ZNF618: variants seen among roughly 807,000 people sequenced by gnomAD.
ZNF618 encodes zinc finger protein 618.
Under a neutral mutation model 103.0 loss-of-function variants are expected in ZNF618, and 34 were observed. That is an observed-to-expected ratio of 0.33 (90% CI 0.25 to 0.44). The LOEUF (loss-of-function observed/expected upper bound fraction) is 0.44. Among genes scored for constraint, ZNF618 ranks in the 20% least tolerant of loss-of-function variants. The pLI, the probability that ZNF618 is intolerant of heterozygous loss-of-function variation, is 1.00. For synonymous variants in ZNF618, 551 were observed against 542.2 expected (o/e 1.02, Z -0.23); for missense variants, 1,059 against 1,295.4 (o/e 0.82, Z 2.80).
intron 1 of ZNF618, among the ~76,000 whole-genome samples, chr9:113,876,846 C>T (rs1405832698): frequency 6.6e-6 from 1 of 151,368 alleles, no homozygotes; most frequent in African/African-American, 2.4e-5. Flanking sequence ...GGTCTTTCCC[C>T]CCAGGTCCCC....
intron 3 of ZNF618, among the ~76,000 whole-genome samples, chr9:113,993,092 G>A (rs758034587): frequency 1.4e-4 from 21 of 152,178 alleles, no homozygotes; most frequent in Admixed American, 2.6e-4. Context: ...GTTAACAGAC[G>A]CCTGCACCCA....
At chr9:113,919,540 G>A (rs1215529752) in intron 1 of ZNF618, among the ~76,000 whole-genome samples, 1 of 152,244 alleles carries the variant, frequency 6.6e-6, no homozygotes. Flanking sequence ...AGGCTGTTAT[G>A]CCAGGAGCGA....
At chr9:113,881,031 A>G (rs1828469889) in intron 1 of ZNF618, among the ~76,000 whole-genome samples, 1 of 152,220 alleles carries the variant, frequency 6.6e-6, no homozygotes, top group African/African-American at 2.4e-5. Context: ...CACATACCCC[A>G]GCTTGTTGGC....
At chr9:113,904,509 T>C (rs1001062902) in intron 1 of ZNF618, among the ~76,000 whole-genome samples, 2 of 152,158 alleles carry the variant, frequency 1.3e-5, no homozygotes, top group Admixed American at 1.3e-4. Context: ...AGTTTTGGGG[T>C]TTAAGTATTT....
intron 1 of ZNF618, among the ~76,000 whole-genome samples, chr9:113,927,215 G>A (rs1007113033): frequency 2.6e-5 from 4 of 152,170 alleles, no homozygotes; most frequent in Non-Finnish European, 2.9e-5. Context: ...CTTGCATGAT[G>A]TATTAGGTAA....
chr9:113,999,230 G>A (rs1840930692), intron 4 of ZNF618, among the ~76,000 whole-genome samples: 1 of 151,976 alleles, frequency 6.6e-6, no homozygotes, highest in African/African-American at 2.4e-5. Context: ...GCTGTGCGAG[G>A]GGCAGGCGGG....
chr9:114,013,922 G>A (rs1842454848), intron 9 of ZNF618, among the ~76,000 whole-genome samples: 1 of 152,206 alleles, frequency 6.6e-6, no homozygotes, highest in Admixed American at 6.5e-5. Flanking sequence ...TGTTGTAACA[G>A]TCTTTCCAGA....
At chr9:113,906,351 G>C (rs932779648) in intron 1 of ZNF618, among the ~76,000 whole-genome samples, 1 of 152,140 alleles carries the variant, frequency 6.6e-6, no homozygotes, top group Non-Finnish European at 1.5e-5. Context: ...TGAAGAAAGG[G>C]CTTCTCCTGG....
At chr9:114,003,556 A>C (rs995628691) in intron 6 of ZNF618, among the ~76,000 whole-genome samples, 2 of 152,266 alleles carry the variant, frequency 1.3e-5, no homozygotes, top group African/African-American at 4.8e-5. Context: ...TACACACAGC[A>C]ACATGGATGA....
In ZNF618 at chr9:113,883,982, GCCCCCCCCCC is replaced by G. The variant is rs558766678; in HGVS notation, c.33+7580_33+7589del. 4.4e-4 allele frequency among the ~76,000 whole-genome samples: 13 copies of G among 29,714 alleles called. 2 individuals carry two copies. Among genetic ancestry groups the G allele is most frequent in the South Asian group, 6.0e-3 (2 of 336 alleles). 19.5% of individuals were successfully genotyped at this position (29,714 alleles called of 152,430 possible). ...TTTACCTCACTTTTCTCTGGGCTTGGCCCCCCCCCCCCCCCCCCCCGCCCTGTACAGTGAA... is the reference window on the plus strand; with the variant it reads ...TTTACCTCACTTTTCTCTGGGCTTGGCCCCCCCCCCGCCCTGTACAGTGAA... On this transcript the variant is annotated intron_variant, in intron 1 of 14. Transcript: ENST00000374126.
intron 13 of ZNF618, among the ~76,000 whole-genome samples, chr9:114,039,757 T>C (rs1844968209): frequency 6.6e-6 from 1 of 152,094 alleles, no homozygotes; most frequent in African/African-American, 2.4e-5. Context: ...GGGTTGAGGG[T>C]TCCAGAGATG....
intron 13 of ZNF618, among the ~76,000 whole-genome samples, chr9:114,039,992 T>A (rs1326111132): frequency 6.6e-6 from 1 of 151,094 alleles, no homozygotes; most frequent in Non-Finnish European, 1.5e-5. Flanking sequence ...TATTTTCATC[T>A]CAAGCTATAA....
intron 1 of ZNF618, among the ~76,000 whole-genome samples, chr9:113,892,846 A>C (rs941214631): frequency 3.9e-5 from 6 of 152,184 alleles, no homozygotes; most frequent in Non-Finnish European, 2.9e-5. Context: ...TAATTGAATG[A>C]TCCATCTTTT....
rs374705188 is a variant in ZNF618, at chr9:113,994,627, T to C, written c.338-3632T>C. Among the ~76,000 whole-genome samples, 3 of 152,154 alleles carry C rather than the reference T, an allele frequency of 2.0e-5. 1 individual carries two copies. The highest frequency in any genetic ancestry group is 3.8e-4 in the East Asian group (2 of 5,200). ...GGTAGAATAAAAGTCTGCCCCTCTT[T>C]CCAGTAGAATTGTTGGGGGCAGAGT... On this transcript the variant is annotated intron_variant, in intron 3 of 14. Coordinates refer to ENST00000374126, the MANE Select transcript of ZNF618 (RefSeq NM_001318042.2).
chr9:113,942,103 G>C (rs1834605260), intron 1 of ZNF618, among the ~76,000 whole-genome samples: 1 of 152,174 alleles, frequency 6.6e-6, no homozygotes, highest in Non-Finnish European at 1.5e-5. Flanking sequence ...TGTTTTTTCT[G>C]TAATTCCTCG....
chr9:113,967,213 C>T (rs920072276), intron 1 of ZNF618, among the ~76,000 whole-genome samples: 9 of 152,174 alleles, frequency 5.9e-5, no homozygotes, highest in African/African-American at 9.6e-5. Flanking sequence ...AATTTCCACC[C>T]GTACCACTTC....
chr9:114,043,340 T>C (rs944927931), intron 13 of ZNF618, among the ~76,000 whole-genome samples: 1 of 152,216 alleles, frequency 6.6e-6, no homozygotes, highest in South Asian at 2.1e-4. Flanking sequence ...TTTTTACATT[T>C]CTACCAACAG....
chr9:114,029,775 G>T (rs1362596974), intron 11 of ZNF618, among the ~76,000 whole-genome samples: 1 of 152,226 alleles, frequency 6.6e-6, no homozygotes. Context: ...GGCCCAGCAG[G>T]AAATCAGTGG....
At chr9:113,997,099 C>G (rs1564274290) in intron 3 of ZNF618, among the ~76,000 whole-genome samples, 1 of 150,686 alleles carries the variant, frequency 6.6e-6, no homozygotes, top group East Asian at 2.0e-4. Context: ...TCTTCTTCTT[C>G]TTTTTTCTTC....
Sources: gnomAD v4.1 joint callset for allele counts (sites outside exome capture counted in the v4.1 genomes callset) on GRCh38, gnomAD v4.1.1 for gene constraint, MANE v1.5 for transcripts, NCBI Gene and HGNC (gene_info 2026-07-23, HGNC 2026-07-21) for gene names.